Variants in MAGI2 observed in about 807,000 individuals in gnomAD.
MAGI2 encodes membrane-associated guanylate kinase, WW and PDZ domain-containing protein 2.
A neutral mutation model predicts 133.3 loss-of-function variants in MAGI2; 35 were observed. The ratio of observed to expected loss-of-function variants is 0.26; its 90% CI spans 0.20 to 0.35. The LOEUF is 0.35. MAGI2 is among the 10% of genes least tolerant of loss of function. The pLI is 1.00. For synonymous variants in MAGI2, 729 were observed against 710.6 expected (o/e 1.03, Z -0.41); for missense variants, 1,636 against 1,863.4 (o/e 0.88, Z 2.25).
intron 1 of MAGI2, chr7:79,125,445 C>T (rs1008149886): frequency 4.2e-5 from 21 of 498,424 alleles, no homozygotes; most frequent in Middle Eastern, 1.3e-3. Context: ...GATTTGATAA[C>T]GATGGTAGTT....
intron 2 of MAGI2, among the ~76,000 whole-genome samples, chr7:78,786,564 C>T (rs1489456091): frequency 6.6e-6 from 1 of 152,182 alleles, no homozygotes; most frequent in East Asian, 1.9e-4. Flanking sequence ...TTCCTGACAG[C>T]CCTTCTAAAA....
Position 78,506,397 on chromosome 7 carries a change from A to G in MAGI2, c.755-4610T>C, listed in dbSNP as rs116810242. ...TAGATGGAAAAAAAATAAACCTGAAAGAAAACAGCATATGGCTAGATGGTA... is the reference window on the plus strand; with the variant it reads ...TAGATGGAAAAAAAATAAACCTGAAGGAAAACAGCATATGGCTAGATGGTA... On this transcript the variant is annotated intron_variant, in intron 4 of 21. Coordinates refer to ENST00000354212, the MANE Select transcript of MAGI2 (RefSeq NM_012301.4). 1.5e-3 allele frequency among the ~76,000 whole-genome samples: 222 copies of G among 152,236 alleles called. 1 individual carries two copies. Among genetic ancestry groups the G allele is most frequent in the African/African-American group, 5.0e-3 (207 of 41,546 alleles).
intron 6 of MAGI2, among the ~76,000 whole-genome samples, chr7:78,432,770 T>C (rs1319006728): frequency 1.3e-5 from 2 of 151,962 alleles, no homozygotes; most frequent in Non-Finnish European, 2.9e-5. Context: ...TTAAAAATTA[T>C]ACAAAGAAAT....
At chr7:79,425,133 C>A (rs896565012) in intron 1 of MAGI2, among the ~76,000 whole-genome samples, 3 of 151,838 alleles carry the variant, frequency 2.0e-5, no homozygotes, top group Non-Finnish European at 4.4e-5. Context: ...TGTCTGTAAT[C>A]CCAGCTGCTT....
At chr7:79,002,572 C>T (rs184783824) in intron 2 of MAGI2, among the ~76,000 whole-genome samples, 8 of 151,526 alleles carry the variant, frequency 5.3e-5, no homozygotes, top group East Asian at 1.9e-4. Flanking sequence ...AAGAATAGTA[C>T]GATAGTAGGA....
At chr7:79,272,106 T>C (rs887076457) in intron 1 of MAGI2, among the ~76,000 whole-genome samples, 1 of 152,176 alleles carries the variant, frequency 6.6e-6, no homozygotes, top group Admixed American at 6.6e-5. Flanking sequence ...ACTTACATAG[T>C]CATTTTATAT....
intron 2 of MAGI2, among the ~76,000 whole-genome samples, chr7:78,838,519 T>TGC (rs1228407458): frequency 6.6e-6 from 1 of 150,784 alleles, no homozygotes; most frequent in Non-Finnish European, 1.5e-5. Context: ...AGTGTGTGTG[T>TGC]GTGTGTGTGT....
At chr7:78,802,419 G>A (rs1050042539) in intron 2 of MAGI2, among the ~76,000 whole-genome samples, 1 of 152,082 alleles carries the variant, frequency 6.6e-6, no homozygotes, top group African/African-American at 2.4e-5. Flanking sequence ...CATGTATCTG[G>A]CTTTTTAACA....
chr7:79,393,081 T>G (rs1844785380), intron 1 of MAGI2, among the ~76,000 whole-genome samples: 1 of 152,230 alleles, frequency 6.6e-6, no homozygotes, highest in South Asian at 2.1e-4. Flanking sequence ...TAGTATCTAT[T>G]TGCAGTGTAT....
chr7:78,208,555 G>A (rs768717637), intron 10 of MAGI2, among the ~76,000 whole-genome samples: 1 of 152,142 alleles, frequency 6.6e-6, no homozygotes, highest in Admixed American at 6.5e-5. Flanking sequence ...AGCAAGATAA[G>A]GGGAATAAAG....
intron 4 of MAGI2, among the ~76,000 whole-genome samples, chr7:78,503,126 A>T (rs1293087428): frequency 6.6e-6 from 1 of 152,190 alleles, no homozygotes; most frequent in African/African-American, 2.4e-5. Flanking sequence ...AGAGGGTAAC[A>T]TCTATAGTAA....
intron 2 of MAGI2, among the ~76,000 whole-genome samples, chr7:78,908,519 C>T (rs1798148142): frequency 6.6e-6 from 1 of 152,016 alleles, no homozygotes; most frequent in Admixed American, 6.5e-5. Context: ...TATTCTAAGA[C>T]AAGAAGAATG....
intron 2 of MAGI2, among the ~76,000 whole-genome samples, chr7:78,812,506 A>G (rs549478957): frequency 2.0e-5 from 3 of 152,154 alleles, no homozygotes; most frequent in South Asian, 2.1e-4. Context: ...AACCAGCCCA[A>G]TATGGTAGCA....
chr7:78,181,498 AG>A (rs1299391714), intron 13 of MAGI2, among the ~76,000 whole-genome samples: 1 of 152,172 alleles, frequency 6.6e-6, no homozygotes, highest in Non-Finnish European at 1.5e-5. Context: ...GCAGCTCAAG[AG>A]GAGGCAGTGG....
chr7:78,174,403 C>A (rs974477778), intron 14 of MAGI2, among the ~76,000 whole-genome samples: 1 of 152,138 alleles, frequency 6.6e-6, no homozygotes, highest in Non-Finnish European at 1.5e-5. Flanking sequence ...ATGGGTTTAC[C>A]CTTAAATGCC....
rs115329706 is a variant in MAGI2 at position 78,337,457 on chromosome 7, G to A, written c.1408+6321C>T. On this transcript the variant is annotated intron_variant, in intron 9 of 21. Coordinates refer to ENST00000354212, the MANE Select transcript of MAGI2 (RefSeq NM_012301.4). Reference sequence around the variant, plus strand: ...CTCTACCCTTGTTTCTCTTGTACAGGACCCTGGTTCAAACTTTTTGGTACA... The same window carrying A: ...CTCTACCCTTGTTTCTCTTGTACAGAACCCTGGTTCAAACTTTTTGGTACA... Among the ~76,000 whole-genome samples, 676 of 152,280 alleles carry A rather than the reference G, an allele frequency of 4.4e-3. 3 individuals are homozygous for A. Among genetic ancestry groups the A allele is most frequent in the African/African-American group, 0.015 (629 of 41,562 alleles).
chr7:78,765,343 C>CTCT (rs1554560976), intron 2 of MAGI2, among the ~76,000 whole-genome samples: 1 of 89,070 alleles, frequency 1.1e-5, no homozygotes, highest in Admixed American at 1.6e-4. Flanking sequence ...TAGTGCACAT[C>CTCT]TTTTTTTTTT....
At chr7:79,190,987 T>C (rs966943772) in intron 1 of MAGI2, among the ~76,000 whole-genome samples, 11 of 151,908 alleles carry the variant, frequency 7.2e-5, no homozygotes, top group African/African-American at 1.9e-4. Flanking sequence ...TATTTCCACA[T>C]ATATGTGGGC....
At chr7:78,732,382 T>C (rs1346996198) in intron 2 of MAGI2, among the ~76,000 whole-genome samples, 1 of 152,182 alleles carries the variant, frequency 6.6e-6, no homozygotes, top group Non-Finnish European at 1.5e-5. Flanking sequence ...GCATTGGTAC[T>C]ATCTAGGAAA....
Sources: allele counts gnomAD v4.1 joint callset (sites outside exome capture counted in the v4.1 genomes callset), GRCh38; gene constraint gnomAD v4.1.1; transcripts MANE v1.5; gene names NCBI Gene and HGNC (gene_info 2026-07-23, HGNC 2026-07-21).